The following PTK7 variants were observed in gnomAD, a reference collection of about 807,000 sequenced individuals.
PTK7 encodes the protein protein tyrosine kinase 7 (inactive), also known as inactive tyrosine-protein kinase 7.
Under a neutral mutation model 116.6 loss-of-function variants are expected in PTK7, and 39 were observed. The ratio of observed to expected loss-of-function variants is 0.33; its 90% CI spans 0.26 to 0.44. The LOEUF (loss-of-function observed/expected upper bound fraction) is 0.44. Ranked by LOEUF, PTK7 falls within the 20% of genes least tolerant of loss-of-function variation. The pLI is 1.00. For synonymous variants in PTK7, 546 were observed against 563.6 expected, an observed-to-expected ratio of 0.97 and a Z score of 0.44; for missense variants, 1,169 against 1,425.6, an observed-to-expected ratio of 0.82 and a Z score of 2.90.
chr6:43,076,819 GT>G lies in PTK7; in HGVS notation c.79+257del. On this transcript the variant is annotated intron_variant, in intron 1 of 19. Coordinates refer to ENST00000230419, the MANE Select transcript of PTK7 (RefSeq NM_002821.5). This position sits in a 1 kb window ranked among gnomAD's most constrained non-coding sequence, Gnocchi z 5.7. Reference sequence around the variant, plus strand: ...GGGGACGCATTTCCAGCCTCCCTGAGTTTTTCTGGTCTGAGCCGAGAGTTTG... The same window carrying G: ...GGGGACGCATTTCCAGCCTCCCTGAGTTTTCTGGTCTGAGCCGAGAGTTTG... 2 of 1,411,202 alleles carry G rather than the reference GT, an allele frequency of 1.4e-6. No homozygotes were observed. The highest frequency in any genetic ancestry group is 1.5e-5 in the South Asian group (1 of 67,978). The allele number at this position is 1,411,202 out of a possible 1,614,324, so 87.4% of individuals were successfully genotyped here. A position where few individuals can be genotyped will look rare whatever the true frequency, so the allele number is the denominator to read the frequency against.
At position 43,159,882 on chromosome 6, in the gene PTK7, T is replaced by TG. The variant is rs1213467885; in HGVS notation, c.2971dup (p.Ala991GlyfsTer23). The TG allele has an allele frequency of 6.2e-7, 1 of 1,614,246 alleles. No individual in the cohort carries two copies. The highest frequency in any genetic ancestry group is 8.5e-7 in the Non-Finnish European group (1 of 1,180,040). ...TGACTTCTCTACCAAGTCTGATGTC[T>TG]GGGCCTTCGGTGTGCTGATGTGGGA... On this transcript the variant is annotated frameshift_variant, in exon 19 of 20. Transcript: ENST00000230419. LOFTEE classifies it high-confidence loss of function.
intron 13 of PTK7, 188 bp downstream of exon 13, chr6:43,142,487 TA>T: frequency 1.1e-6 from 1 of 935,028 alleles, no homozygotes; most frequent in African/African-American, 1.6e-5. Context: ...GTCGTTTATT[TA>T]ACATCCAACG....
chr6:43,077,423 C>T (rs889877756), intron 1 of PTK7, among the ~76,000 whole-genome samples: 1 of 152,020 alleles, frequency 6.6e-6, no homozygotes, highest in Non-Finnish European at 1.5e-5. Context: ...TCTGGCTTTT[C>T]TTGGGGGGGG....
chr6:43,079,117 A>G (rs1279097533), intron 1 of PTK7, among the ~76,000 whole-genome samples: 1 of 152,194 alleles, frequency 6.6e-6, no homozygotes, highest in Admixed American at 6.5e-5. Flanking sequence ...GAGATAAAGT[A>G]TGGTCCTTCC....
chr6:43,144,394 C>A, intron 14 of PTK7, 57 bp from the exon 15 acceptor site: 1 of 1,608,300 alleles, frequency 6.2e-7, no homozygotes, highest in South Asian at 1.1e-5. Flanking sequence ...ACAGAAATCC[C>A]CATGGTGGCC....
In PTK7 at chr6:43,129,052, GC is replaced by G; in HGVS notation, c.156del (p.Cys53ValfsTer33). 6.2e-7 allele frequency: 1 copy of G among 1,614,190 alleles called. No homozygotes were observed. The highest frequency in any genetic ancestry group is 8.5e-7 in the Non-Finnish European group (1 of 1,180,032). On this transcript the variant is annotated frameshift_variant, in exon 2 of 20. Coordinates refer to ENST00000230419, the MANE Select transcript of PTK7 (RefSeq NM_002821.5). LOFTEE classifies it high-confidence loss of function. The surrounding 1 kb of genome is among the most constrained non-coding windows in gnomAD (Gnocchi z 4.5). ...CTGCAGGGGCGCCGGGCGCTGCTTC[GC>G]TGTGAGGTTGAGGCTCCGGGCCCGG... ...DALQGRRALL[R>X]CEVEAPGPVH...
Position 43,103,931 on chromosome 6 carries a change from C to G in PTK7, c.80-25046C>G, listed in dbSNP as rs554539861. The stretch of plus-strand genomic sequence containing the variant: ...AATTAATTTTGAGGCAAGTCTGCAC[C>G]CGGGGTGAAAATCTCACTCCCATCT... On this transcript the variant is annotated intron_variant, in intron 1 of 19. Transcript: ENST00000230419. 5.3e-4 allele frequency among the ~76,000 whole-genome samples: 80 copies of G among 152,232 alleles called. No individual in the cohort carries two copies. The South Asian group carries it at 0.016, about 30-fold the overall frequency.
At chr6:43,146,525 C>G in intron 16 of PTK7, 93 bp from the exon 17 acceptor site, 1 of 1,231,076 alleles carries the variant, frequency 8.1e-7, no homozygotes, top group African/African-American at 1.5e-5. Context: ...ACTGCCTCCC[C>G]AGGCAGGAAT....
chr6:43,151,211 C>CTT (rs11398367), intron 17 of PTK7, among the ~76,000 whole-genome samples: 409 of 141,858 alleles, frequency 2.9e-3, no homozygotes, highest in Admixed American at 6.7e-3. Context: ...CACCTGCCTT[C>CTT]TTTTTTTTTT....
chr6:43,131,678 T>G (rs1264620843), intron 5 of PTK7: 1 of 350,710 alleles, frequency 2.9e-6, no homozygotes, highest in East Asian at 8.1e-5. Context: ...ACTGGGTCCC[T>G]CCCACAACAT....
intron 7 of PTK7, chr6:43,133,121 T>G (rs1038777009): frequency 9.0e-6 from 3 of 334,002 alleles, no homozygotes; most frequent in African/African-American, 6.3e-5. Context: ...ATGATTTTTC[T>G]TTTTTTCTTT....
chr6:43,111,927 C>A (rs1768215475), intron 1 of PTK7, among the ~76,000 whole-genome samples: 1 of 151,900 alleles, frequency 6.6e-6, no homozygotes, highest in African/African-American at 2.4e-5. Context: ...AGCAGTCCTC[C>A]CACCTTGGCC....
chr6:43,159,798 C>T lies in PTK7; in HGVS notation c.2884C>T (p.His962Tyr), dbSNP rs143154716. The change falls in exon 19 of 20, where the codon CAC becomes TAC. Residue 962 changes from histidine (H) to tyrosine (Y), a missense_variant. By Grantham distance (83) the His-to-Tyr change is moderately conservative. This residue lies in a region of PTK7 where 678 missense variants were observed against 853.8 expected (regional missense o/e 0.79). Transcript: ENST00000230419. ...GCTTCTCTCCTGCAGTGAGTACTAC[C>T]ACTTCCGCCAGGCCTGGGTGCCGCT... ...SKDVYNSEYY[H>Y]FRQAWVPLRW... 44 of 1,614,096 alleles carry T rather than the reference C, an allele frequency of 2.7e-5. No homozygotes were observed. The African/African-American group carries it at 4.0e-4, about 15-fold the overall frequency.
In PTK7 at chr6:43,141,847, G is replaced by C. The variant is rs1270503654; in HGVS notation, c.1768+30G>C. 6 of 1,609,606 alleles carry C rather than the reference G, an allele frequency of 3.7e-6. No homozygotes were observed. Among genetic ancestry groups the C allele is most frequent in the Admixed American group, 1.7e-5 (1 of 59,944 alleles). On this transcript the variant is annotated intron_variant, in intron 11 of 19. Transcript: ENST00000230419. The surrounding 1 kb of genome is among the most constrained non-coding windows in gnomAD (Gnocchi z 4.9). ...GACCGTGGCAGGGCCCTGGGGCTGG[G>C]AGGGCCCTCTGGGGTAGCACCGTGT...
At chr6:43,154,585 C>T (rs991256454) in intron 17 of PTK7, among the ~76,000 whole-genome samples, 1 of 151,982 alleles carries the variant, frequency 6.6e-6, no homozygotes, top group Non-Finnish European at 1.5e-5. Context: ...GCTAAGATTC[C>T]CTAAATTGGT....
intron 1 of PTK7, among the ~76,000 whole-genome samples, chr6:43,118,805 GCT>G (rs1768771998): frequency 7.0e-6 from 1 of 143,538 alleles, no homozygotes; most frequent in African/African-American, 2.6e-5. Context: ...ACAGGGTCTT[GCT>G]CTGTCACCCA....
rs1582241924 is a variant in PTK7, at chr6:43,161,056, C to T, written c.*175C>T. 4.2e-6 allele frequency: 4 copies of T among 960,488 alleles called. No individual in the cohort carries two copies. The highest frequency in any genetic ancestry group is 5.4e-5 in the East Asian group (2 of 37,248). The allele number at this position is 960,488 out of a possible 1,614,324, so 59.5% of individuals were successfully genotyped here. A position where few individuals can be genotyped will look rare whatever the true frequency, so the allele number is the denominator to read the frequency against. On this transcript the variant is annotated 3_prime_UTR_variant, in exon 20 of 20. Transcript: ENST00000230419. ...TTTCCTCCTCTTCCTCACCCTCATC[C>T]TTTGGGAGGCTGACTTGGACCCAAA... is the stretch of plus-strand genomic sequence containing the variant.
intron 1 of PTK7, among the ~76,000 whole-genome samples, chr6:43,102,457 C>T (rs542116522): frequency 1.3e-4 from 19 of 151,852 alleles, no homozygotes; most frequent in Non-Finnish European, 1.9e-4. Context: ...GTTGTGTTGG[C>T]GGGTCCCTGT....
chr6:43,108,749 T>G (rs1370720153), intron 1 of PTK7, among the ~76,000 whole-genome samples: 2 of 152,218 alleles, frequency 1.3e-5, no homozygotes, highest in Non-Finnish European at 1.5e-5. Context: ...TTCATCAAGT[T>G]CAGATTTGAT....
Sources: gnomAD v4.1 joint callset for allele counts (sites outside exome capture counted in the v4.1 genomes callset) on GRCh38, gnomAD v4.1.1 for gene constraint, gnomAD v4.1.1 regional missense constraint, Gnocchi (gnomAD v3.1) non-coding constraint, MANE v1.5 for transcripts, NCBI Gene and HGNC (gene_info 2026-07-23, HGNC 2026-07-21) for gene names.